ATP13A5: variants seen among roughly 807,000 people sequenced by gnomAD.
The protein encoded by ATP13A5 is ATPase 13A5.
In ATP13A5, 149 loss-of-function variants were observed where a neutral mutation model predicts 150.2. That is an observed-to-expected ratio of 0.99 (90% CI 0.87 to 1.14). The LOEUF (loss-of-function observed/expected upper bound fraction) is 1.14, where lower values mean the gene tolerates loss of function less well. Among genes scored for constraint, ATP13A5 ranks in the 50% most tolerant of loss-of-function variants. The pLI, the probability that ATP13A5 is intolerant of heterozygous loss-of-function variation, is 0.00. For synonymous variants in ATP13A5, 497 were observed against 522.2 expected, an observed-to-expected ratio of 0.95 and a Z score of 0.66; for missense variants, 1,383 against 1,449.3, an observed-to-expected ratio of 0.95 and a Z score of 0.74.
chr3:193,363,447 A>G, intron 2 of ATP13A5, 65 bp from the exon 3 acceptor site: 1 of 1,440,518 alleles, frequency 6.9e-7, no homozygotes. Flanking sequence ...CAATCAACCA[A>G]ATACCTACCA....
At chr3:193,281,199 A>G in intron 27 of ATP13A5, 2 of 985,386 alleles carry the variant, frequency 2.0e-6, no homozygotes, top group Non-Finnish European at 2.4e-6. Flanking sequence ...ATGGATTTGG[A>G]GTCCCAGGAA....
At chr3:193,314,380 C>T (rs978315066) in intron 18 of ATP13A5, 187 bp from the exon 19 acceptor site, 1 of 579,644 alleles carries the variant, frequency 1.7e-6, no homozygotes, top group Non-Finnish European at 3.0e-6. Context: ...TCTCCCTCTC[C>T]ATATTCTGCA....
At position 193,345,053 on chromosome 3, in the gene ATP13A5, A is replaced by T; in HGVS notation, c.764T>A (p.Leu255His). 6.2e-7 allele frequency: 1 copy of T among 1,613,718 alleles called. No homozygotes were observed. Among genetic ancestry groups the T allele is most frequent in the Non-Finnish European group, 8.5e-7 (1 of 1,179,688 alleles). The change falls in exon 8 of 30, where the codon CTC (leucine) becomes CAC (histidine). Residue 255 changes from leucine to histidine, a missense_variant. By Grantham distance (99) the Leu-to-His change is moderately conservative. Coordinates refer to ENST00000342358, the MANE Select transcript of ATP13A5 (RefSeq NM_198505.4). ...CTGGACTTTGTTGTGGTCCTCCACGAGGTTATGCAGCTTAACTGATTGCTA... is the reference window on the plus strand; with the variant it reads ...CTGGACTTTGTTGTGGTCCTCCACGTGGTTATGCAGCTTAACTGATTGCTA... ...LRQQSVKLHNLVEDHNKVQVT... is the reference protein window; with the variant it reads ...LRQQSVKLHNHVEDHNKVQVT...
intron 26 of ATP13A5, among the ~76,000 whole-genome samples, chr3:193,288,470 A>C (rs1427425477): frequency 6.6e-6 from 1 of 152,142 alleles, no homozygotes; most frequent in Non-Finnish European, 1.5e-5. Context: ...ACCAGCAAAA[A>C]GATTATGACT....
At chr3:193,374,307 G>C (rs5010011) in intron 1 of ATP13A5, among the ~76,000 whole-genome samples, 38,519 of 143,212 alleles carry the variant, frequency 0.27, 5,332 homozygotes, top group East Asian at 0.52. Context: ...CACACAGAGA[G>C]AGAGAGAGGA....
At chr3:193,304,170 T>C (rs1376139797) in intron 23 of ATP13A5, among the ~76,000 whole-genome samples, 2 of 152,126 alleles carry the variant, frequency 1.3e-5, no homozygotes, top group Non-Finnish European at 2.9e-5. Flanking sequence ...CTTGTTTGGT[T>C]ATGGGTGAAG....
chr3:193,350,138 C>A (rs1433540311), intron 7 of ATP13A5, among the ~76,000 whole-genome samples: 5 of 151,520 alleles, frequency 3.3e-5, no homozygotes, highest in African/African-American at 1.2e-4. Context: ...AATGAAAGTT[C>A]CAGATTAATG....
In ATP13A5 at chr3:193,322,429, T is replaced by G. The variant is rs917856113; in HGVS notation, c.1758+62A>C. 7.7e-5 allele frequency: 97 copies of G among 1,260,388 alleles called. 1 individual carries two copies. The highest frequency in any genetic ancestry group is 1.1e-4 in the Non-Finnish European group (95 of 866,120). The allele number at this position is 1,260,388 out of a possible 1,614,324, so 78.1% of individuals were successfully genotyped here. ...ATAGGACTATAAAAATATGTGCAAGTCAGAAATGTTTTACCAGTTTTATGG... is the reference window on the plus strand; with the variant it reads ...ATAGGACTATAAAAATATGTGCAAGGCAGAAATGTTTTACCAGTTTTATGG... On this transcript the variant is annotated intron_variant, in intron 15 of 29. Coordinates refer to ENST00000342358, the MANE Select transcript of ATP13A5 (RefSeq NM_198505.4).
Position 193,311,854 on chromosome 3 carries a change from G to A in ATP13A5, c.2407C>T (p.Gln803Ter). The change falls in exon 20 of 30, where the codon CAA (glutamine) becomes TAA (stop). Residue 803 changes from glutamine to a stop codon, truncating the protein, a stop_gained. Coordinates refer to ENST00000342358, the MANE Select transcript of ATP13A5 (RefSeq NM_198505.4). LOFTEE classifies it high-confidence loss of function. ...YHFAMSGKSY[Q>*]VIFQHFNSLL... ...CTGTTGAAATGCTGAAATATCACTT[G>A]GTATGATTTCCCACTCATTGCAAAA... is the stretch of plus-strand genomic sequence containing the variant. 6.2e-7 allele frequency: 1 copy of A among 1,613,852 alleles called. No homozygotes were observed. Among genetic ancestry groups the A allele is most frequent in the African/African-American group, 1.3e-5 (1 of 75,000 alleles).
chr3:193,337,144 G>A (rs1465067388), intron 9 of ATP13A5, among the ~76,000 whole-genome samples: 1 of 152,066 alleles, frequency 6.6e-6, no homozygotes, highest in Non-Finnish European at 1.5e-5. Context: ...TTAGCCCTTT[G>A]TCAGATGAGT....
At chr3:193,369,255 T>A (rs2220523) in intron 1 of ATP13A5, among the ~76,000 whole-genome samples, 146,198 of 152,114 alleles carry the variant, frequency 0.96, 70,285 homozygotes, top group African/African-American at 0.98. Context: ...CTAAGTTTTT[T>A]AAAAATATAT....
intron 9 of ATP13A5, among the ~76,000 whole-genome samples, chr3:193,338,843 G>A (rs1224805998): frequency 2.6e-5 from 4 of 152,084 alleles, no homozygotes; most frequent in Non-Finnish European, 5.9e-5. Context: ...GGTAGAATTC[G>A]GCAGTGAATC....
At chr3:193,295,960 A>G (rs1279715255) in intron 25 of ATP13A5, among the ~76,000 whole-genome samples, 2 of 152,150 alleles carry the variant, frequency 1.3e-5, no homozygotes, top group African/African-American at 2.4e-5. Context: ...AGTGGTTTTA[A>G]GAGAGGATAT....
At chr3:193,362,744 GCTTTCCTTCTTTCTTT>G in intron 3 of ATP13A5, 107 bp from the exon 4 acceptor site, 2 of 715,792 alleles carry the variant, frequency 2.8e-6, no homozygotes, top group African/African-American at 2.1e-5. Context: ...GGTCTCACTT[GCTTTCCTTCTTTCTTT>G]CTTTCTTTCT....
chr3:193,337,107 G>T (rs1394144005), intron 9 of ATP13A5, among the ~76,000 whole-genome samples: 3 of 152,068 alleles, frequency 2.0e-5, no homozygotes, highest in Non-Finnish European at 2.9e-5. Context: ...TTGTAAATTT[G>T]TTGGCGTTCT....
At chr3:193,277,407 G>A (rs1471036689) in intron 28 of ATP13A5, among the ~76,000 whole-genome samples, 1 of 152,086 alleles carries the variant, frequency 6.6e-6, no homozygotes, top group Non-Finnish European at 1.5e-5. Context: ...TAAAGTGTGA[G>A]AGCCATAACT....
chr3:193,305,714 C>G, intron 22 of ATP13A5, 46 bp from the exon 23 acceptor site: 1 of 1,527,676 alleles, frequency 6.5e-7, no homozygotes, highest in Non-Finnish European at 9.1e-7. Context: ...TCAGGTTAGG[C>G]TTTACCTCTT....
chr3:193,357,476 A>G (rs1712837616), intron 5 of ATP13A5, among the ~76,000 whole-genome samples: 1 of 152,158 alleles, frequency 6.6e-6, no homozygotes, highest in South Asian at 2.1e-4. Flanking sequence ...TTTAGAGATC[A>G]TGTACCCATC....
chr3:193,366,155 G>A (rs1399464669), intron 1 of ATP13A5, among the ~76,000 whole-genome samples: 1 of 151,974 alleles, frequency 6.6e-6, no homozygotes. Flanking sequence ...TAGAAACCTG[G>A]AGCATACTGT....
Sources: gnomAD v4.1 joint callset for allele counts (sites outside exome capture counted in the v4.1 genomes callset) on GRCh38, gnomAD v4.1.1 for gene constraint, MANE v1.5 for transcripts, NCBI Gene and HGNC (gene_info 2026-07-23, HGNC 2026-07-21) for gene names.